NRXN1: variants seen among roughly 807,000 people sequenced by gnomAD.
NRXN1 encodes the protein neurexin 1.
Under a neutral mutation model 150.9 loss-of-function variants are expected in NRXN1, and 39 were observed. The ratio of observed to expected loss-of-function variants is 0.26; its 90% CI spans 0.20 to 0.34. The LOEUF is 0.34. NRXN1 is among the 10% of genes least tolerant of loss of function. The pLI is 1.00. For synonymous variants in NRXN1, 924 were observed against 757.0 expected (o/e 1.22, Z -3.62); for missense variants, 1,815 against 1,949.9 (o/e 0.93, Z 1.30).
chr2:50,922,621 C>T, intron 4 of NRXN1, 37 bp downstream of exon 4: 1 of 1,605,830 alleles, frequency 6.2e-7, no homozygotes, highest in East Asian at 2.3e-5. Context: ...AACAAGAAAA[C>T]ACTGAAAGCA....
intron 17 of NRXN1, among the ~76,000 whole-genome samples, chr2:50,365,023 C>CTT (rs1404286996): frequency 1.3e-5 from 2 of 151,950 alleles, no homozygotes; most frequent in African/African-American, 4.8e-5. Context: ...TTGAGCAAGG[C>CTT]TTTACACAGC....
At chr2:50,453,725 T>C (rs1289018978) in intron 17 of NRXN1, among the ~76,000 whole-genome samples, 3 of 152,154 alleles carry the variant, frequency 2.0e-5, no homozygotes, top group African/African-American at 7.2e-5. Context: ...TCCTGTGGCT[T>C]CTGCAAAGGG....
chr2:50,946,818 C>G (rs1009778663), intron 2 of NRXN1, among the ~76,000 whole-genome samples: 1 of 152,130 alleles, frequency 6.6e-6, no homozygotes, highest in Non-Finnish European at 1.5e-5. Context: ...TATCAAGACA[C>G]AGTGACTTAA....
At chr2:50,131,970 G>C (rs546595857) in intron 18 of NRXN1, among the ~76,000 whole-genome samples, 3 of 152,294 alleles carry the variant, frequency 2.0e-5, no homozygotes, top group African/African-American at 4.8e-5. Flanking sequence ...TTCAGTGAGT[G>C]TGTGCGTGTG....
chr2:50,617,435 T>TA lies in NRXN1; in HGVS notation c.1320+2586dup, dbSNP rs879749052. Among the ~76,000 whole-genome samples the TA allele has an allele frequency of 2.4e-3, 329 of 139,126 alleles. 2 individuals are homozygous for TA. Among genetic ancestry groups the TA allele is most frequent in the African/African-American group, 6.6e-3 (248 of 37,844 alleles). The allele number at this position is 139,126 out of a possible 152,430, so 91.3% of individuals were successfully genotyped here. ...GGGAACAGAGCAAGACTCCATCTCT[T>TA]AAAAAAAAAAAAAGCCCTCCAAGTG... is the stretch of plus-strand genomic sequence containing the variant. On this transcript the variant is annotated intron_variant, in intron 8 of 22. Transcript: ENST00000401669.
intron 5 of NRXN1, among the ~76,000 whole-genome samples, chr2:50,802,634 G>T (rs907132279): frequency 1.3e-5 from 2 of 151,464 alleles, no homozygotes; most frequent in East Asian, 3.9e-4. Flanking sequence ...AGAAAGAAGG[G>T]AGGGAGGAGG....
intron 5 of NRXN1, among the ~76,000 whole-genome samples, chr2:50,785,602 C>T (rs1201552094): frequency 6.6e-6 from 1 of 152,014 alleles, no homozygotes; most frequent in African/African-American, 2.4e-5. Flanking sequence ...ATGGCAGACC[C>T]GGCTGACTAA....
At chr2:50,891,418 G>A (rs577052637) in intron 5 of NRXN1, among the ~76,000 whole-genome samples, 1 of 151,974 alleles carries the variant, frequency 6.6e-6, no homozygotes, top group Non-Finnish European at 1.5e-5. Context: ...TCACTTTATA[G>A]TAGACATAAA....
Position 50,620,180 on chromosome 2 carries a change from T to C in NRXN1, c.1162A>G (p.Thr388Ala), listed in dbSNP as rs938438027. 3.7e-6 allele frequency: 6 copies of C among 1,613,060 alleles called. No individual in the cohort carries two copies. Among genetic ancestry groups the C allele is most frequent in the South Asian group, 1.1e-5 (1 of 91,004 alleles). Reference sequence around the variant, plus strand: ...GTAAGAATCCCATCCACTGATATTGTCACCTAGATAACAAAGCACAGGGAA... The same window carrying C: ...GTAAGAATCCCATCCACTGATATTGCCACCTAGATAACAAAGCACAGGGAA... The part of the protein sequence containing the change: ...QHSGIGHAMV[T>A]ISVDGILTTT... Residue 388 changes from threonine to alanine, a missense_variant, in exon 8 of 23, where the codon ACA (threonine) becomes GCA (alanine). Around this residue, in one of 6 missense-constraint regions of NRXN1, gnomAD observed 638 missense variants for 652.6 expected, o/e 0.98. Transcript: ENST00000401669.
chr2:51,027,796 G>C lies in NRXN1; in HGVS notation c.478C>G (p.Pro160Ala), dbSNP rs1344743982. 17 of 1,612,910 alleles carry C rather than the reference G, an allele frequency of 1.1e-5. No individual in the cohort carries two copies. The highest frequency in any genetic ancestry group is 3.3e-4 in the Middle Eastern group (2 of 6,084). ...FSGLFVGGLP[P>A]ELRAAALKLT... The stretch of plus-strand genomic sequence containing the variant: ...TTGAGCGCCGCGGCGCGCAGTTCCG[G>C]GGGCAGCCCCCCGACGAAAAGGCCG... The change falls in exon 2 of 23, where the codon CCG becomes GCG. Residue 160 changes from proline (P) to alanine (A), a missense_variant. By Grantham distance (27) the Pro-to-Ala change is conservative (BLOSUM62 -1). Transcript: ENST00000401669.
At chr2:49,952,237 C>T (rs1035235815) in intron 21 of NRXN1, among the ~76,000 whole-genome samples, 7 of 151,886 alleles carry the variant, frequency 4.6e-5, no homozygotes, top group Admixed American at 2.0e-4. Context: ...ATGTGATTTA[C>T]GAAGATACAT....
At chr2:50,193,968 G>C (rs776468607) in intron 18 of NRXN1, among the ~76,000 whole-genome samples, 2 of 152,074 alleles carry the variant, frequency 1.3e-5, no homozygotes, top group Non-Finnish European at 2.9e-5. Flanking sequence ...TAATGCTTGT[G>C]TAGTAGTAAT....
intron 17 of NRXN1, among the ~76,000 whole-genome samples, chr2:50,452,927 G>T (rs1023246617): frequency 6.6e-6 from 1 of 152,176 alleles, no homozygotes; most frequent in East Asian, 1.9e-4. Flanking sequence ...TGAATAGCAT[G>T]AATAATGAGA....
intron 17 of NRXN1, among the ~76,000 whole-genome samples, chr2:50,391,901 A>C (rs2081734705): frequency 6.6e-6 from 1 of 152,178 alleles, no homozygotes; most frequent in African/African-American, 2.4e-5. Context: ...GGACCACTTC[A>C]TTTAGTAATC....
At chr2:50,627,938 A>T (rs1403001035) in intron 5 of NRXN1, among the ~76,000 whole-genome samples, 1 of 151,842 alleles carries the variant, frequency 6.6e-6, no homozygotes, top group Non-Finnish European at 1.5e-5. Context: ...AGAGAAAAAA[A>T]ACTGTTTGTG....
intron 18 of NRXN1, among the ~76,000 whole-genome samples, chr2:50,155,359 G>A (rs2058951914): frequency 6.6e-6 from 1 of 150,930 alleles, no homozygotes; most frequent in Non-Finnish European, 1.5e-5. Flanking sequence ...TATTTTGCTT[G>A]GGGCCCTCAG....
intron 5 of NRXN1, among the ~76,000 whole-genome samples, chr2:50,823,034 G>A (rs1453512312): frequency 6.6e-6 from 1 of 152,232 alleles, no homozygotes; most frequent in East Asian, 1.9e-4. Context: ...AGTAACTATA[G>A]ACGTCAATAA....
rs554684314 is a variant in NRXN1 at position 50,729,836 on chromosome 2, G to A, written c.833-106221C>T. Among the ~76,000 whole-genome samples, 7 of 152,224 alleles carry A rather than the reference G, an allele frequency of 4.6e-5. No individual in the cohort carries two copies. In the South Asian group the frequency reaches 8.3e-4, roughly 18 times the overall value. On this transcript the variant is annotated intron_variant, in intron 5 of 22. Coordinates refer to ENST00000401669, the MANE Select transcript of NRXN1 (RefSeq NM_001330078.2). ...CACAATTCTCTTCAGGTTTGGTTTCGAAAGCGAGGCTCAAAATTTCTGTTG... is the reference window on the plus strand; with the variant it reads ...CACAATTCTCTTCAGGTTTGGTTTCAAAAGCGAGGCTCAAAATTTCTGTTG...
chr2:50,404,154 GTT>G (rs35933407), intron 17 of NRXN1, among the ~76,000 whole-genome samples: 1 of 149,004 alleles, frequency 6.7e-6, no homozygotes, highest in East Asian at 2.0e-4. Context: ...ATTTTGTTTA[GTT>G]TTTTTTTGTT....
Sources: allele counts gnomAD v4.1 joint callset (sites outside exome capture counted in the v4.1 genomes callset), GRCh38; gene constraint gnomAD v4.1.1; regional missense constraint gnomAD v4.1.1; transcripts MANE v1.5; gene names NCBI Gene and HGNC (gene_info 2026-07-23, HGNC 2026-07-21).